AUTS2: variants seen among roughly 807,000 people sequenced by gnomAD.
AUTS2 encodes autism susceptibility gene 2 protein.
AUTS2 carries 17 observed loss-of-function variants against 112.4 expected under a neutral mutation model. The observed-to-expected ratio is 0.15, with a 90% CI of 0.10 to 0.23. The LOEUF (loss-of-function observed/expected upper bound fraction) is 0.23, where lower values mean the gene tolerates loss of function less well. Among genes scored for constraint, AUTS2 ranks in the 10% least tolerant of loss-of-function variants. AUTS2 has a pLI of 1.00. For missense variants in AUTS2, 1,510 were observed against 1,701.6 expected (o/e 0.89, Z 1.98); for synonymous variants, 751 against 702.7 (o/e 1.07, Z -1.09).
At chr7:70,577,643 G>A (rs1160630380) in intron 5 of AUTS2, among the ~76,000 whole-genome samples, 1 of 152,190 alleles carries the variant, frequency 6.6e-6, no homozygotes, top group East Asian at 1.9e-4. Flanking sequence ...AGCAGTTGAT[G>A]TATAGCCACA....
intron 5 of AUTS2, among the ~76,000 whole-genome samples, chr7:70,439,422 G>A (rs577925861): frequency 9.2e-5 from 14 of 151,716 alleles, no homozygotes; most frequent in African/African-American, 2.7e-4. Context: ...GCCTGTAGTC[G>A]CAGCTACTCG....
At chr7:69,899,637 C>A in intron 2 of AUTS2, 139 bp downstream of exon 2, 1 of 767,826 alleles carries the variant, frequency 1.3e-6, no homozygotes, top group Non-Finnish European at 2.1e-6. Flanking sequence ...AAGCTGTGTG[C>A]GTGCCTTTAA....
At chr7:70,350,727 C>T (rs567541794) in intron 4 of AUTS2, among the ~76,000 whole-genome samples, 1 of 152,210 alleles carries the variant, frequency 6.6e-6, no homozygotes, top group East Asian at 1.9e-4. Flanking sequence ...CCATATTTAC[C>T]CTTTTTATGT....
intron 1 of AUTS2, among the ~76,000 whole-genome samples, chr7:69,886,858 G>T (rs1463515121): frequency 6.6e-6 from 1 of 151,166 alleles, no homozygotes; most frequent in Non-Finnish European, 1.5e-5. Flanking sequence ...GTGTGATCAT[G>T]GCTCACTGCA....
At chr7:70,354,130 T>C (rs896498940) in intron 4 of AUTS2, among the ~76,000 whole-genome samples, 1 of 152,228 alleles carries the variant, frequency 6.6e-6, no homozygotes, top group African/African-American at 2.4e-5. Flanking sequence ...AGTTTCTCAC[T>C]CAGTACATTC....
chr7:69,623,836 C>G (rs1449092154), intron 1 of AUTS2, among the ~76,000 whole-genome samples: 2 of 152,040 alleles, frequency 1.3e-5, no homozygotes, highest in African/African-American at 4.8e-5. Flanking sequence ...GTAACCAGTA[C>G]TCAGGTAAAG....
At chr7:69,878,347 T>C (rs1397854558) in intron 1 of AUTS2, among the ~76,000 whole-genome samples, 1 of 152,212 alleles carries the variant, frequency 6.6e-6, no homozygotes, top group Non-Finnish European at 1.5e-5. Flanking sequence ...AGCTGTTTTA[T>C]GACTGCAACA....
chr7:69,635,916 T>G (rs912616772), intron 1 of AUTS2, among the ~76,000 whole-genome samples: 4 of 152,246 alleles, frequency 2.6e-5, no homozygotes, highest in Non-Finnish European at 5.9e-5. Context: ...GTAATTAATT[T>G]ACAACTAGCT....
chr7:70,784,074 C>A (rs1017532257), intron 15 of AUTS2: 3 of 152,070 alleles, frequency 2.0e-5, no homozygotes, highest in African/African-American at 7.2e-5. Context: ...TAAATTAGAC[C>A]TGAGTTCCCT....
chr7:70,556,277 C>G lies in AUTS2; in HGVS notation c.690+120496C>G, dbSNP rs926330638. Among the ~76,000 whole-genome samples the G allele has an allele frequency of 3.9e-5, 6 of 152,172 alleles. No homozygotes were observed. The East Asian group carries it at 1.2e-3, about 29-fold the overall frequency. Reference sequence around the variant, plus strand: ...CACCAAACCATGAGAGGTCTGCCCTCATGACACAGATACCTCCCATCAGGT... The same window carrying G: ...CACCAAACCATGAGAGGTCTGCCCTGATGACACAGATACCTCCCATCAGGT... On this transcript the variant is annotated intron_variant, in intron 5 of 18. Coordinates refer to ENST00000342771, the MANE Select transcript of AUTS2 (RefSeq NM_015570.4).
intron 5 of AUTS2, among the ~76,000 whole-genome samples, chr7:70,692,360 T>A (rs1460818730): frequency 3.3e-5 from 5 of 152,222 alleles, no homozygotes; most frequent in Admixed American, 1.3e-4. Flanking sequence ...AACAACAAGA[T>A]AAGAAAACTG....
chr7:70,682,830 G>A (rs1482546040), intron 5 of AUTS2, among the ~76,000 whole-genome samples: 1 of 152,248 alleles, frequency 6.6e-6, no homozygotes, highest in African/African-American at 2.4e-5. Flanking sequence ...TTCTTCACGT[G>A]GCTGGCAAGT....
chr7:70,454,963 G>C (rs967412594), intron 5 of AUTS2, among the ~76,000 whole-genome samples: 3 of 152,226 alleles, frequency 2.0e-5, no homozygotes, highest in Non-Finnish European at 4.4e-5. Flanking sequence ...AGGGCCCACT[G>C]CTGCTTCATA....
chr7:70,621,177 A>T (rs1804653768), intron 5 of AUTS2, among the ~76,000 whole-genome samples: 1 of 152,196 alleles, frequency 6.6e-6, no homozygotes, highest in Non-Finnish European at 1.5e-5. Context: ...GGAAGGGTTG[A>T]GTGTTTCTGC....
chr7:70,340,889 G>GCAA, intron 4 of AUTS2, among the ~76,000 whole-genome samples: 1 of 152,350 alleles, frequency 6.6e-6, no homozygotes, highest in Admixed American at 6.5e-5. Context: ...TGTTGGAAGA[G>GCAA]TTTTGAGTTA....
chr7:70,528,093 A>ATTTTTTTTTTTTTTTTTTTTTTTTT (rs10651355), intron 5 of AUTS2, among the ~76,000 whole-genome samples: 1 of 97,278 alleles, frequency 1.0e-5, no homozygotes, highest in Non-Finnish European at 2.0e-5. Context: ...AAATTTAAGG[A>ATTTTTTTTTTTTTTTTTTTTTTTTT]TTTTTTTTTT....
At chr7:69,890,588 G>GGA (rs1365024708) in intron 1 of AUTS2, among the ~76,000 whole-genome samples, 2 of 152,022 alleles carry the variant, frequency 1.3e-5, no homozygotes, top group African/African-American at 4.8e-5. Context: ...CGTGCTCATG[G>GGA]GAGGGGATGT....
chr7:69,955,253 A>G (rs1273136429), intron 2 of AUTS2, among the ~76,000 whole-genome samples: 2 of 152,160 alleles, frequency 1.3e-5, no homozygotes, highest in Non-Finnish European at 2.9e-5. Flanking sequence ...TTTACAGACC[A>G]TTATCTCTTC....
intron 5 of AUTS2, among the ~76,000 whole-genome samples, chr7:70,542,533 G>T (rs1180294106): frequency 6.6e-6 from 1 of 152,214 alleles, no homozygotes; most frequent in African/African-American, 2.4e-5. Flanking sequence ...AAAGTGGGGT[G>T]TCCTCTTTCC....
Sources: gnomAD v4.1 joint callset for allele counts (sites outside exome capture counted in the v4.1 genomes callset) on GRCh38, gnomAD v4.1.1 for gene constraint, MANE v1.5 for transcripts, NCBI Gene and HGNC (gene_info 2026-07-23, HGNC 2026-07-21) for gene names.